The following HHAT variants were observed in gnomAD, a reference collection of about 807,000 sequenced individuals.
HHAT encodes hedgehog acyltransferase, also known as protein-cysteine N-palmitoyltransferase HHAT.
HHAT carries 47 observed loss-of-function variants against 70.8 expected under a neutral mutation model. That is an observed-to-expected ratio of 0.66 (90% confidence interval 0.53 to 0.85). The LOEUF is 0.85. Ranked by LOEUF, HHAT falls within the 40% of genes least tolerant of loss-of-function variation. The probability of loss-of-function intolerance (pLI) is 0.00; values close to 1 mark genes in which losing one functional copy is unlikely to be tolerated. For missense variants in HHAT, 609 were observed against 604.8 expected (o/e 1.01, Z -0.07); for synonymous variants, 228 against 247.6 (o/e 0.92, Z 0.74).
chr1:210,599,430 T>G (rs543961063), intron 10 of HHAT, among the ~76,000 whole-genome samples: 211 of 152,300 alleles, frequency 1.4e-3, no homozygotes, highest in Non-Finnish European at 2.2e-3. Context: ...ACCAGGTTTC[T>G]CAGACTTTGC....
At position 210,404,553 on chromosome 1, in the gene HHAT, G is replaced by C. The variant is rs2092245793; in HGVS notation, c.558G>C (p.Glu186Asp). The C allele has an allele frequency of 6.2e-7, 1 of 1,613,842 alleles. No homozygotes were observed. The highest frequency in any genetic ancestry group is 1.3e-5 in the African/African-American group (1 of 74,918). The stretch of plus-strand genomic sequence containing the variant: ...TGTACTACACCAGCTTCAGCCTGGA[G>C]CTCTGCTGGCAGCAGCTGCCTGCTG... Reference protein sequence around the residue: ...RCLYYTSFSLELCWQQLPAAS... With the variant: ...RCLYYTSFSLDLCWQQLPAAS... Residue 186 changes from glutamate to aspartate, a missense_variant, in exon 6 of 12, where the codon GAG becomes GAC. By Grantham distance (45) the Glu-to-Asp change is conservative. Coordinates refer to ENST00000261458, the MANE Select transcript of HHAT (RefSeq NM_018194.6).
At chr1:210,615,988 C>G (rs188839817) in intron 10 of HHAT, among the ~76,000 whole-genome samples, 1 of 152,286 alleles carries the variant, frequency 6.6e-6, no homozygotes, top group Admixed American at 6.5e-5. Context: ...AGAAATCACC[C>G]ATCTTCTGCT....
At chr1:210,526,170 C>A (rs1209162582) in intron 9 of HHAT, among the ~76,000 whole-genome samples, 4 of 152,028 alleles carry the variant, frequency 2.6e-5, no homozygotes, top group African/African-American at 9.7e-5. Flanking sequence ...GGGGTGGAGT[C>A]CTACGCGCAG....
At chr1:210,366,082 C>T (rs2088932842) in intron 3 of HHAT, among the ~76,000 whole-genome samples, 1 of 152,206 alleles carries the variant, frequency 6.6e-6, no homozygotes, top group East Asian at 1.9e-4. Flanking sequence ...AGACATGCAC[C>T]ACCATACCTG....
At chr1:210,469,952 C>T (rs780529252) in intron 8 of HHAT, among the ~76,000 whole-genome samples, 9 of 152,226 alleles carry the variant, frequency 5.9e-5, no homozygotes, top group Middle Eastern at 3.4e-3. Flanking sequence ...TTTTAAGTTC[C>T]GCATGCATTA....
intron 8 of HHAT, among the ~76,000 whole-genome samples, chr1:210,469,293 G>C (rs962832115): frequency 1.3e-5 from 2 of 152,080 alleles, no homozygotes; most frequent in African/African-American, 4.8e-5. Context: ...CCTTATGTGA[G>C]AGGAGGACTG....
chr1:210,468,242 C>G (rs2094141376), intron 8 of HHAT, among the ~76,000 whole-genome samples: 1 of 152,110 alleles, frequency 6.6e-6, no homozygotes, highest in South Asian at 2.1e-4. Context: ...CTGTAATGAG[C>G]ATTTTTTGCC....
intron 2 of HHAT, among the ~76,000 whole-genome samples, chr1:210,356,336 A>G (rs1243134951): frequency 6.6e-6 from 1 of 152,196 alleles, no homozygotes; most frequent in Non-Finnish European, 1.5e-5. Context: ...TGACATTTTT[A>G]TAAATGAAAT....
At chr1:210,377,172 G>A (rs2090293680) in intron 3 of HHAT, among the ~76,000 whole-genome samples, 1 of 152,178 alleles carries the variant, frequency 6.6e-6, no homozygotes, top group South Asian at 2.1e-4. Flanking sequence ...GATATTCTGG[G>A]AAAGTGACAC....
At position 210,378,849 on chromosome 1, in the gene HHAT, A is replaced by G. The variant is rs549209773; in HGVS notation, c.160-8619A>G. 3.5e-4 allele frequency among the ~76,000 whole-genome samples: 53 copies of G among 152,338 alleles called. 1 individual carries two copies. The highest frequency in any genetic ancestry group is 1.2e-3 in the African/African-American group (49 of 41,584). On this transcript the variant is annotated intron_variant, in intron 3 of 11. Transcript: ENST00000261458. ...CCATTGAATAGACTTATTTCAGACTAGTGTTCTTCAAAGTGAACTGTTTTC... is the reference window on the plus strand; with the variant it reads ...CCATTGAATAGACTTATTTCAGACTGGTGTTCTTCAAAGTGAACTGTTTTC...
chr1:210,505,426 C>T (rs77178821), intron 8 of HHAT, among the ~76,000 whole-genome samples: 5,426 of 152,224 alleles, frequency 0.036, 139 homozygotes, highest in South Asian at 0.058. Context: ...GTCGATCAGC[C>T]TCAGCTCTGC....
chr1:210,619,179 A>G (rs1424198448), intron 10 of HHAT, among the ~76,000 whole-genome samples: 1 of 152,074 alleles, frequency 6.6e-6, no homozygotes, highest in Non-Finnish European at 1.5e-5. Flanking sequence ...ACAGGGAGAG[A>G]AACTGCCCCG....
chr1:210,592,096 A>G (rs1389323089), intron 10 of HHAT, among the ~76,000 whole-genome samples: 1 of 152,064 alleles, frequency 6.6e-6, no homozygotes, highest in Admixed American at 6.6e-5. Flanking sequence ...TTACTAAAGA[A>G]TTATTTGCTA....
intron 1 of HHAT, among the ~76,000 whole-genome samples, chr1:210,343,384 TC>T (rs1304510552): frequency 1.3e-5 from 2 of 152,198 alleles, no homozygotes; most frequent in African/African-American, 4.8e-5. Flanking sequence ...TCGTCCTCCT[TC>T]CTTCAGTCTC....
intron 11 of HHAT, among the ~76,000 whole-genome samples, chr1:210,640,989 C>T (rs1284601798): frequency 6.6e-6 from 1 of 152,204 alleles, no homozygotes; most frequent in African/African-American, 2.4e-5. Context: ...ATTTTCACTA[C>T]ATCACACTAC....
intron 9 of HHAT, among the ~76,000 whole-genome samples, chr1:210,552,073 T>C (rs2095532364): frequency 1.3e-5 from 2 of 152,242 alleles, no homozygotes; most frequent in Non-Finnish European, 2.9e-5. Context: ...TCCAGCATTA[T>C]TGATTGGCTT....
At chr1:210,569,541 T>G (rs1450756061) in intron 9 of HHAT, among the ~76,000 whole-genome samples, 1 of 152,088 alleles carries the variant, frequency 6.6e-6, no homozygotes, top group Non-Finnish European at 1.5e-5. Flanking sequence ...TTTTTAAATT[T>G]GTCAACTTTT....
At chr1:210,445,063 C>T (rs1437318828) in intron 7 of HHAT, among the ~76,000 whole-genome samples, 1 of 152,174 alleles carries the variant, frequency 6.6e-6, no homozygotes, top group African/African-American at 2.4e-5. Flanking sequence ...TGGTCTTGAA[C>T]TCCTGACTGT....
At chr1:210,655,356 C>A (rs767924242) in intron 11 of HHAT, among the ~76,000 whole-genome samples, 4 of 152,206 alleles carry the variant, frequency 2.6e-5, no homozygotes, top group African/African-American at 7.2e-5. Context: ...ATGTCAATGG[C>A]GCCCTGTTCT....
Sources: allele counts gnomAD v4.1 joint callset (sites outside exome capture counted in the v4.1 genomes callset), GRCh38; gene constraint gnomAD v4.1.1; transcripts MANE v1.5; gene names NCBI Gene and HGNC (gene_info 2026-07-23, HGNC 2026-07-21).